The following C9 variants were observed in gnomAD, a reference collection of about 807,000 sequenced individuals.
C9 encodes complement C9, also known as complement component C9.
C9 carries 63 observed loss-of-function variants against 65.4 expected under a neutral mutation model. The ratio of observed to expected loss-of-function variants is 0.96; its 90% CI spans 0.79 to 1.19. The LOEUF (loss-of-function observed/expected upper bound fraction) is 1.19. Among genes scored for constraint, C9 ranks in the 50% most tolerant of loss-of-function variants. C9 has a pLI of 0.00. For missense variants in C9, 744 were observed against 670.1 expected, an observed-to-expected ratio of 1.11 and a Z score of -1.22; for synonymous variants, 229 against 227.9, an observed-to-expected ratio of 1.00 and a Z score of -0.04.
intron 1 of C9, among the ~76,000 whole-genome samples, chr5:39,344,696 G>C (rs1309352483): frequency 6.6e-6 from 1 of 152,100 alleles, no homozygotes; most frequent in Non-Finnish European, 1.5e-5. Flanking sequence ...TCCTCGAGAA[G>C]AGCAACTCCA....
chr5:39,302,288 A>G (rs866601487), intron 9 of C9, among the ~76,000 whole-genome samples: 2 of 152,098 alleles, frequency 1.3e-5, no homozygotes, highest in South Asian at 2.1e-4. Flanking sequence ...CTCCTATACT[A>G]CATAACTCTA....
chr5:39,321,935 G>A (rs564030062), intron 5 of C9, among the ~76,000 whole-genome samples: 1 of 152,132 alleles, frequency 6.6e-6, no homozygotes, highest in South Asian at 2.1e-4. Context: ...TTCAACAATA[G>A]GCAGGTCATC....
chr5:39,304,210 C>T (rs1004113235), intron 9 of C9, among the ~76,000 whole-genome samples: 7 of 152,044 alleles, frequency 4.6e-5, no homozygotes, highest in African/African-American at 1.7e-4. Flanking sequence ...TAAGTGAGAG[C>T]TTACAGTCAC....
At chr5:39,288,559 T>G (rs1199210664) in intron 10 of C9, among the ~76,000 whole-genome samples, 164 bp downstream of exon 10, 1 of 151,834 alleles carries the variant, frequency 6.6e-6, no homozygotes, top group Non-Finnish European at 1.5e-5. Flanking sequence ...GAATGACACA[T>G]AAAGGCTGAT....
intron 1 of C9, among the ~76,000 whole-genome samples, chr5:39,348,785 T>C (rs1289839163): frequency 5.3e-4 from 80 of 152,144 alleles, no homozygotes; most frequent in Non-Finnish European, 1.0e-4. Flanking sequence ...TGTCCATCAA[T>C]GATAGACTGG....
intron 7 of C9, 116 bp downstream of exon 7, chr5:39,311,021 G>A: frequency 8.7e-7 from 1 of 1,148,288 alleles, no homozygotes; most frequent in Middle Eastern, 2.5e-4. Context: ...TCCTCTCAAA[G>A]GAGCAGGTTA....
Position 39,316,511 on chromosome 5 carries a change from C to G in C9, c.616-482G>C, listed in dbSNP as rs184690007. On this transcript the variant is annotated intron_variant, in intron 5 of 10. Coordinates refer to ENST00000263408, the MANE Select transcript of C9 (RefSeq NM_001737.5). ...TCCTGATGCTCTGTCACCCCTACCC[C>G]CAACAGGCCCCAGTGAGTGTTTTTT... Among the ~76,000 whole-genome samples the G allele has an allele frequency of 5.3e-3, 811 of 152,240 alleles. 21 individuals carry two copies. The highest frequency in any genetic ancestry group is 0.047 in the Admixed American group (715 of 15,282).
rs1186101418 is a variant in C9 at position 39,284,280 on chromosome 5, T to C, written c.*919A>G. 1.3e-5 allele frequency: 2 copies of C among 152,138 alleles called. No homozygotes were observed. The highest frequency in any genetic ancestry group is 2.9e-5 in the Non-Finnish European group (2 of 68,016). 9.4% of individuals were successfully genotyped at this position (152,138 alleles called of 1,614,324 possible). On this transcript the variant is annotated 3_prime_UTR_variant, in exon 11 of 11. Coordinates refer to ENST00000263408, the MANE Select transcript of C9 (RefSeq NM_001737.5). ...TTTCCTCTTTTCTTTCTTTCTTTCC[T>C]TTTTTTAAAGAGTTCTCAGACCTTT...
At chr5:39,359,130 TACCA>T (rs1754471836) in intron 1 of C9, among the ~76,000 whole-genome samples, 2 of 70,922 alleles carry the variant, frequency 2.8e-5, no homozygotes, top group Non-Finnish European at 6.0e-5. Flanking sequence ...ATATATGTAG[TACCA>T]ATAGGACTCA....
rs1178222641 is a variant in C9 at position 39,341,616 on chromosome 5, GCA to G, written c.266_267del (p.Val89AlafsTer6). 6.2e-7 allele frequency: 1 copy of G among 1,613,700 alleles called. No individual in the cohort carries two copies. The highest frequency in any genetic ancestry group is 8.5e-7 in the Non-Finnish European group (1 of 1,179,602). On this transcript the variant is annotated frameshift_variant, in exon 3 of 11. Coordinates refer to ENST00000263408, the MANE Select transcript of C9 (RefSeq NM_001737.5). LOFTEE classifies it high-confidence loss of function. ...TCAGCATCCTCACAGGGCTCTGTGGGCACACACTGTCGTCTGTCTCCCACAGC... is the reference window on the plus strand; with the variant it reads ...TCAGCATCCTCACAGGGCTCTGTGGGCACACTGTCGTCTGTCTCCCACAGC... ...TDAVGDRRQC[V>X]PTEPCEDAED...
Position 39,306,577 on chromosome 5 carries a change from A to G in C9, c.1416+40T>C, listed in dbSNP as rs546153376. The G allele has an allele frequency of 2.7e-6, 4 of 1,492,844 alleles. No homozygotes were observed. The East Asian group carries it at 9.0e-5, about 34-fold the overall frequency. 92.5% of individuals were successfully genotyped at this position (1,492,844 alleles called of 1,614,324 possible). On this transcript the variant is annotated intron_variant, in intron 9 of 10. Transcript: ENST00000263408. The stretch of plus-strand genomic sequence containing the variant: ...AAACAATGTGACATTTAATAAAAAA[A>G]TGACACAGTCTTCTGTTTGAAAATA...
intron 1 of C9, among the ~76,000 whole-genome samples, chr5:39,359,024 A>G (rs1447868923): frequency 4.1e-5 from 2 of 48,840 alleles, no homozygotes; most frequent in African/African-American, 1.6e-4. Flanking sequence ...AAAAATATAT[A>G]TATATATATA....
chr5:39,322,101 C>G (rs1250751754), intron 5 of C9, among the ~76,000 whole-genome samples: 1 of 151,614 alleles, frequency 6.6e-6, no homozygotes, highest in Non-Finnish European at 1.5e-5. Flanking sequence ...GTATATTAGG[C>G]CATAAAACAA....
chr5:39,342,399 A>G (rs1754104214), intron 1 of C9, among the ~76,000 whole-genome samples: 1 of 152,144 alleles, frequency 6.6e-6, no homozygotes, highest in Non-Finnish European at 1.5e-5. Context: ...TCTGTATTGT[A>G]AGTTAACTTT....
At chr5:39,322,047 C>A (rs1302673061) in intron 5 of C9, among the ~76,000 whole-genome samples, 1 of 151,984 alleles carries the variant, frequency 6.6e-6, no homozygotes, top group African/African-American at 2.4e-5. Context: ...TAACATAATA[C>A]ATGTTTTTAT....
At chr5:39,323,428 A>T (rs1300549155) in intron 5 of C9, among the ~76,000 whole-genome samples, 1 of 151,438 alleles carries the variant, frequency 6.6e-6, no homozygotes, top group African/African-American at 2.4e-5. Context: ...AATAAAATAT[A>T]AACAAACTAA....
chr5:39,351,437 G>C (rs1156715299), intron 1 of C9, among the ~76,000 whole-genome samples: 1 of 152,168 alleles, frequency 6.6e-6, no homozygotes, highest in Non-Finnish European at 1.5e-5. Context: ...TTATGGTCAG[G>C]CTGCAAATTT....
At chr5:39,347,640 T>A (rs1001644181) in intron 1 of C9, among the ~76,000 whole-genome samples, 2 of 152,170 alleles carry the variant, frequency 1.3e-5, no homozygotes, top group African/African-American at 4.8e-5. Context: ...AAGCTACCAA[T>A]GACTTTCTTC....
intron 1 of C9, among the ~76,000 whole-genome samples, chr5:39,348,631 G>A (rs1270135908): frequency 6.6e-6 from 1 of 152,108 alleles, no homozygotes; most frequent in Non-Finnish European, 1.5e-5. Context: ...CAGGGATCTA[G>A]AACTAGAAAT....
Sources: allele counts gnomAD v4.1 joint callset (sites outside exome capture counted in the v4.1 genomes callset), GRCh38; gene constraint gnomAD v4.1.1; transcripts MANE v1.5; gene names NCBI Gene and HGNC (gene_info 2026-07-23, HGNC 2026-07-21).